Variants in MAF observed in about 807,000 individuals in gnomAD.
MAF encodes the protein MAF bZIP transcription factor.
MAF carries 10 observed loss-of-function variants against 22.0 expected under a neutral mutation model. The observed-to-expected ratio is 0.45, with a 90% CI of 0.28 to 0.77. MAF has a LOEUF of 0.77. MAF is among the 30% of genes least tolerant of loss of function. The pLI, the probability that MAF is intolerant of heterozygous loss-of-function variation, is 0.12. For synonymous variants in MAF, 337 were observed against 255.8 expected, an observed-to-expected ratio of 1.32 and a Z score of -3.03; for missense variants, 544 against 548.4, an observed-to-expected ratio of 0.99 and a Z score of 0.08.
chr16:79,364,553 C>A, the MAF span, among the ~76,000 whole-genome samples: 1 of 152,144 alleles, frequency 6.6e-6, no homozygotes, highest in South Asian at 2.1e-4. Context: ...AAGTCATGGA[C>A]ACACATCAAA....
At chr16:79,211,610 AC>A in the MAF span, 2 of 1,614,126 alleles carry the variant, frequency 1.2e-6, no homozygotes, top group Non-Finnish European at 1.7e-6. Flanking sequence ...ATTTCCAGCA[AC>A]AGGGAGCTGC....
the MAF span, among the ~76,000 whole-genome samples, chr16:79,559,867 T>C: frequency 6.6e-5 from 10 of 152,180 alleles, no homozygotes; most frequent in East Asian, 3.9e-4. Flanking sequence ...CACTGCTGCT[T>C]TGGTTTTATT....
At chr16:79,555,749 C>G in the MAF span, among the ~76,000 whole-genome samples, 4 of 152,292 alleles carry the variant, frequency 2.6e-5, no homozygotes, top group Non-Finnish European at 5.9e-5. Flanking sequence ...CTGAAAAACT[C>G]TAAATCCAAG....
chr16:79,326,294 C>A, the MAF span, among the ~76,000 whole-genome samples: 1 of 152,116 alleles, frequency 6.6e-6, no homozygotes, highest in Non-Finnish European at 1.5e-5. Flanking sequence ...TATAAAAGTA[C>A]TTATCATGAT....
chr16:79,547,552 C>T, the MAF span, among the ~76,000 whole-genome samples: 1 of 152,018 alleles, frequency 6.6e-6, no homozygotes, highest in African/African-American at 2.4e-5. Context: ...TTGTAGAAAC[C>T]CCTAAAAGTT....
the MAF span, among the ~76,000 whole-genome samples, chr16:79,217,204 G>T: frequency 1.3e-5 from 2 of 152,220 alleles, no homozygotes; most frequent in African/African-American, 4.8e-5. Flanking sequence ...TAGGATGAAA[G>T]TGAGTTTTAG....
At chr16:79,231,337 AGCTCTT>A in the MAF span, among the ~76,000 whole-genome samples, 2 of 152,106 alleles carry the variant, frequency 1.3e-5, no homozygotes, top group Non-Finnish European at 2.9e-5. Flanking sequence ...ACTGGAAATG[AGCTCTT>A]GCTGCGTTTT....
the MAF span, among the ~76,000 whole-genome samples, chr16:79,546,296 G>T: frequency 6.0e-5 from 6 of 100,532 alleles, no homozygotes; most frequent in African/African-American, 2.2e-4. Flanking sequence ...ATCAATAAGA[G>T]AATTTTTTTT....
the MAF span, among the ~76,000 whole-genome samples, chr16:79,310,411 G>T: frequency 6.6e-6 from 1 of 152,162 alleles, no homozygotes. Flanking sequence ...CAGAGAGAGA[G>T]AATCAGCTGG....
the MAF span, among the ~76,000 whole-genome samples, chr16:79,376,603 T>C: frequency 6.6e-6 from 1 of 152,192 alleles, no homozygotes; most frequent in Non-Finnish European, 1.5e-5. Context: ...TGTATACATG[T>C]GCCATGTTGG....
At chr16:79,526,347 G>T in the MAF span, among the ~76,000 whole-genome samples, 2 of 152,136 alleles carry the variant, frequency 1.3e-5, no homozygotes, top group Non-Finnish European at 1.5e-5. Context: ...AATAGGGTTC[G>T]TGCACCTATG....
the MAF span, among the ~76,000 whole-genome samples, chr16:79,456,322 T>C: frequency 6.6e-6 from 1 of 152,150 alleles, no homozygotes; most frequent in Non-Finnish European, 1.5e-5. Flanking sequence ...TTAAAGCCTC[T>C]ATGGAAAAGG....
the MAF span, among the ~76,000 whole-genome samples, chr16:79,258,345 G>C: frequency 2.0e-5 from 3 of 152,172 alleles, no homozygotes; most frequent in African/African-American, 7.2e-5. Flanking sequence ...TGGGGACCAG[G>C]GTCTGCTCCA....
the MAF span, among the ~76,000 whole-genome samples, chr16:79,283,036 A>G: frequency 6.6e-6 from 1 of 152,200 alleles, no homozygotes; most frequent in East Asian, 1.9e-4. Flanking sequence ...CCAAGGGTCT[A>G]TTGTACCAGA....
the MAF span, among the ~76,000 whole-genome samples, chr16:79,434,997 C>G: frequency 6.6e-6 from 1 of 152,144 alleles, no homozygotes; most frequent in Admixed American, 6.5e-5. Flanking sequence ...GGCTGCTTAT[C>G]TGTTGGGAGT....
rs927509821 is a variant in MAF at position 79,600,274 on chromosome 16, C to T, written c.-372G>A. 13 of 230,432 alleles carry T rather than the reference C, an allele frequency of 5.6e-5. No homozygotes were observed. Among genetic ancestry groups the T allele is most frequent in the Non-Finnish European group, 9.9e-5 (11 of 110,624 alleles). The allele number at this position is 230,432 out of a possible 1,614,324, so 14.3% of individuals were successfully genotyped here. A position where few individuals can be genotyped will look rare whatever the true frequency, so the allele number is the denominator to read the frequency against. ...GCGGCGAAGCTGGAGGAGCCCGGCC[C>T]GGTGCGCGGCGTCCCCCGCTCGCCG... On this transcript the variant is annotated 5_prime_UTR_variant, in exon 1 of 2. Transcript: ENST00000326043.
chr16:79,502,714 T>TATAAATATAA, the MAF span, among the ~76,000 whole-genome samples: 13 of 12,998 alleles, frequency 1.0e-3, no homozygotes, highest in African/African-American at 2.8e-3. Context: ...TATAAATATA[T>TATAAATATAA]ATATATATAT....
chr16:79,346,853 A>C, the MAF span, among the ~76,000 whole-genome samples: 1 of 152,242 alleles, frequency 6.6e-6, no homozygotes, highest in African/African-American at 2.4e-5. Flanking sequence ...CCTACATGGA[A>C]GGGAGAATTG....
At chr16:79,409,687 G>A in the MAF span, among the ~76,000 whole-genome samples, 8 of 152,184 alleles carry the variant, frequency 5.3e-5, no homozygotes, top group African/African-American at 1.7e-4. Context: ...ATTGCCCAGA[G>A]GGTTGGCTGC....
Sources: gnomAD v4.1 joint callset for allele counts (sites outside exome capture counted in the v4.1 genomes callset) on GRCh38, gnomAD v4.1.1 for gene constraint, MANE v1.5 for transcripts, NCBI Gene and HGNC (gene_info 2026-07-23, HGNC 2026-07-21) for gene names.